The following RAB38 variants were observed in gnomAD, a reference collection of about 807,000 sequenced individuals.
The protein encoded by RAB38 is RAB38, member RAS oncogene family, also known as ras-related protein Rab-38.
A neutral mutation model predicts 18.4 loss-of-function variants in RAB38; 15 were observed. That is an observed-to-expected ratio of 0.82 (90% CI 0.55 to 1.26). The LOEUF (loss-of-function observed/expected upper bound fraction) is 1.26, where lower values mean the gene tolerates loss of function less well. Among genes scored for constraint, RAB38 ranks in the 50% most tolerant of loss-of-function variants. The pLI, the probability that RAB38 is intolerant of heterozygous loss-of-function variation, is 0.00. For synonymous variants in RAB38, 101 were observed against 104.4 expected (o/e 0.97, Z 0.20); for missense variants, 294 against 267.4 (o/e 1.10, Z -0.69).
chr11:88,145,159 T>G (rs988140560), intron 2 of RAB38, among the ~76,000 whole-genome samples: 1 of 151,912 alleles, frequency 6.6e-6, no homozygotes, highest in Admixed American at 6.6e-5. Context: ...TTTTTTTTTT[T>G]GTGGGTAGGG....
At chr11:88,045,906 C>T in the RAB38 span, among the ~76,000 whole-genome samples, 2 of 152,142 alleles carry the variant, frequency 1.3e-5, no homozygotes, top group Non-Finnish European at 2.9e-5. Flanking sequence ...CTTTTAAGCA[C>T]TCCTTTTAGT....
At chr11:88,163,833 C>G (rs938320014) in intron 1 of RAB38, among the ~76,000 whole-genome samples, 1 of 152,056 alleles carries the variant, frequency 6.6e-6, no homozygotes, top group African/African-American at 2.4e-5. Flanking sequence ...AGTAGCCCAA[C>G]AGATTTTTTG....
chr11:87,951,957 G>C, the RAB38 span, among the ~76,000 whole-genome samples: 1 of 152,128 alleles, frequency 6.6e-6, no homozygotes, highest in Non-Finnish European at 1.5e-5. Context: ...CCTGTCTTCT[G>C]TGTTGCTCAC....
chr11:88,097,721 T>C, the RAB38 span, among the ~76,000 whole-genome samples: 16 of 151,952 alleles, frequency 1.1e-4, no homozygotes, highest in Middle Eastern at 6.8e-3. Context: ...CCTCCAAGTA[T>C]TATGAAATTC....
At chr11:88,094,988 A>G in the RAB38 span, among the ~76,000 whole-genome samples, 1 of 151,794 alleles carries the variant, frequency 6.6e-6, no homozygotes, top group Admixed American at 6.6e-5. Context: ...ATGGAGAAAC[A>G]TTATTTCGCC....
the RAB38 span, among the ~76,000 whole-genome samples, chr11:87,835,135 G>A: frequency 1.3e-5 from 2 of 152,194 alleles, no homozygotes; most frequent in East Asian, 1.9e-4. Context: ...TAATAGAATT[G>A]GAGAAACGAA....
chr11:88,097,846 C>G, the RAB38 span: 1 of 151,920 alleles, frequency 6.6e-6, no homozygotes, highest in Non-Finnish European at 1.5e-5. Flanking sequence ...ATTACTATTG[C>G]AGAACCTTAG....
the RAB38 span, among the ~76,000 whole-genome samples, chr11:88,018,543 A>G: frequency 3.3e-5 from 5 of 151,952 alleles, no homozygotes; most frequent in South Asian, 1.0e-3. Context: ...TTTTGAACCT[A>G]CTCCTGACAT....
At chr11:87,870,324 T>C in the RAB38 span, among the ~76,000 whole-genome samples, 2 of 151,672 alleles carry the variant, frequency 1.3e-5, no homozygotes, top group African/African-American at 4.8e-5. Flanking sequence ...TATCATCCAC[T>C]GTGACTCATC....
chr11:88,125,388 A>G (rs1942682845), intron 2 of RAB38, among the ~76,000 whole-genome samples: 1 of 152,172 alleles, frequency 6.6e-6, no homozygotes, highest in Admixed American at 6.5e-5. Flanking sequence ...CTGCCCCTCC[A>G]GAACAAACAT....
At chr11:88,057,509 G>A in the RAB38 span, among the ~76,000 whole-genome samples, 3 of 151,908 alleles carry the variant, frequency 2.0e-5, no homozygotes, top group East Asian at 1.9e-4. Flanking sequence ...TGAAGTTGCC[G>A]TGATTCAATT....
At chr11:87,859,965 C>G in the RAB38 span, among the ~76,000 whole-genome samples, 1 of 151,984 alleles carries the variant, frequency 6.6e-6, no homozygotes, top group African/African-American at 2.4e-5. Context: ...ATGTGCCCAT[C>G]TGCAAACCAA....
chr11:87,954,346 C>T, the RAB38 span, among the ~76,000 whole-genome samples: 1 of 152,156 alleles, frequency 6.6e-6, no homozygotes, highest in Non-Finnish European at 1.5e-5. Flanking sequence ...CCCATCTCCT[C>T]TCTGTCTCTC....
chr11:87,946,667 T>G, the RAB38 span, among the ~76,000 whole-genome samples: 1 of 152,158 alleles, frequency 6.6e-6, no homozygotes, highest in East Asian at 1.9e-4. Flanking sequence ...TGCAATAGTT[T>G]GCTGAGAATG....
At chr11:88,129,942 AAAAC>A (rs60608149) in intron 2 of RAB38, among the ~76,000 whole-genome samples, 8,060 of 152,264 alleles carry the variant, frequency 0.053, 294 homozygotes, top group East Asian at 0.18. Flanking sequence ...GGAACAAAAA[AAAAC>A]AGCCATAAAT....
the RAB38 span, among the ~76,000 whole-genome samples, chr11:87,957,640 T>C: frequency 6.6e-6 from 1 of 152,160 alleles, no homozygotes; most frequent in Non-Finnish European, 1.5e-5. Context: ...GCAGGAACTC[T>C]AGAACAAGAC....
the RAB38 span, among the ~76,000 whole-genome samples, chr11:88,086,284 A>T: frequency 6.6e-6 from 1 of 151,912 alleles, no homozygotes; most frequent in South Asian, 2.1e-4. Context: ...GCGTAAACAT[A>T]TTAAATTACA....
the RAB38 span, among the ~76,000 whole-genome samples, chr11:88,014,819 G>A: frequency 6.6e-6 from 1 of 152,090 alleles, no homozygotes; most frequent in Admixed American, 6.6e-5. Flanking sequence ...AGGGCAACAA[G>A]AGGTACAACC....
chr11:87,894,745 ATATG>A, the RAB38 span, among the ~76,000 whole-genome samples: 6 of 148,586 alleles, frequency 4.0e-5, no homozygotes, highest in Non-Finnish European at 7.5e-5. Flanking sequence ...TATAAAAAAT[ATATG>A]TATACATTAT....
Sources: gnomAD v4.1 joint callset for allele counts (sites outside exome capture counted in the v4.1 genomes callset) on GRCh38, gnomAD v4.1.1 for gene constraint, MANE v1.5 for transcripts, NCBI Gene and HGNC (gene_info 2026-07-23, HGNC 2026-07-21) for gene names.